The following POC1B variants were observed in gnomAD, a reference collection of about 807,000 sequenced individuals.
The protein encoded by POC1B is POC1 centriolar protein homolog B.
In POC1B, 44 loss-of-function variants were observed where a neutral mutation model predicts 60.6. The ratio of observed to expected loss-of-function variants is 0.73; its 90% CI spans 0.57 to 0.93. The LOEUF (loss-of-function observed/expected upper bound fraction) is 0.93, where lower values mean the gene tolerates loss of function less well. Among genes scored for constraint, POC1B ranks in the 40% least tolerant of loss-of-function variants. The pLI is 0.00. For synonymous variants in POC1B, 180 were observed against 198.9 expected (o/e 0.90, Z 0.80); for missense variants, 555 against 572.3 (o/e 0.97, Z 0.31).
intron 3 of POC1B, among the ~76,000 whole-genome samples, chr12:89,494,325 A>G (rs1869132931): frequency 1.3e-5 from 2 of 152,110 alleles, no homozygotes; most frequent in Non-Finnish European, 2.9e-5. Context: ...TGCTGGAATT[A>G]CAGGTGCGAG....
intron 3 of POC1B, among the ~76,000 whole-genome samples, chr12:89,495,382 A>G (rs1268645232): frequency 1.3e-5 from 2 of 152,222 alleles, no homozygotes; most frequent in African/African-American, 2.4e-5. Context: ...CTACATTGCC[A>G]TCCATTATAA....
intron 2 of POC1B, chr12:89,524,486 A>G: frequency 1.2e-6 from 2 of 1,613,326 alleles, no homozygotes; most frequent in Non-Finnish European, 1.7e-6. Context: ...ACGAAGATAT[A>G]GGCCACTGTT....
intron 7 of POC1B, among the ~76,000 whole-genome samples, chr12:89,468,424 T>A (rs532476174): frequency 5.8e-4 from 88 of 152,310 alleles, no homozygotes; most frequent in African/African-American, 2.1e-3. Flanking sequence ...AATATTAATA[T>A]ATACCATATG....
the POC1B span, among the ~76,000 whole-genome samples, chr12:89,405,864 A>G: frequency 1.3e-5 from 2 of 151,894 alleles, no homozygotes; most frequent in African/African-American, 4.8e-5. Context: ...CTGAGATGGG[A>G]GGAATCCTTG....
chr12:89,525,973 G>A lies in POC1B; in HGVS notation c.-78C>T. 6.5e-7 allele frequency: 1 copy of A among 1,545,346 alleles called. No individual in the cohort carries two copies. On this transcript the variant is annotated 5_prime_UTR_variant, in exon 1 of 12. Transcript: ENST00000313546. ...AGGGGAGAGGATGGGGAAGGAGAGG[G>A]GACCGTGCGGCTCCCGGAACCGTCT...
At chr12:89,441,967 C>A (rs1287703200) in intron 10 of POC1B, among the ~76,000 whole-genome samples, 1 of 152,156 alleles carries the variant, frequency 6.6e-6, no homozygotes, top group African/African-American at 2.4e-5. Context: ...GACGCACGCA[C>A]AAGCTTCAGT....
chr12:89,433,149 A>G (rs1383937759), intron 10 of POC1B, among the ~76,000 whole-genome samples: 1 of 152,114 alleles, frequency 6.6e-6, no homozygotes, highest in African/African-American at 2.4e-5. Context: ...AAATAAAGAC[A>G]GTGAATCTAA....
At chr12:89,419,578 T>G (rs1193976663), downstream of POC1B, 1 of 151,970 alleles carries the variant, frequency 6.6e-6, no homozygotes, top group African/African-American at 2.4e-5. Flanking sequence ...ACCCATGGAG[T>G]CAGCTCTGGA....
intron 10 of POC1B, among the ~76,000 whole-genome samples, chr12:89,453,045 TATTA>T (rs991354342): frequency 5.3e-5 from 8 of 152,182 alleles, no homozygotes; most frequent in African/African-American, 1.7e-4. Context: ...TCTGAAAAAA[TATTA>T]ATGTGTTTTC....
At chr12:89,430,437 A>G (rs563549728) in intron 10 of POC1B, among the ~76,000 whole-genome samples, 1 of 152,356 alleles carries the variant, frequency 6.6e-6, no homozygotes, top group East Asian at 1.9e-4. Context: ...TAGAAAATTA[A>G]CCATTCAACA....
chr12:89,415,587 G>C (rs1026116348), downstream of POC1B, among the ~76,000 whole-genome samples: 9 of 151,468 alleles, frequency 5.9e-5, no homozygotes, highest in Non-Finnish European at 8.8e-5. Flanking sequence ...AGCTTGCACT[G>C]AGCCGAGATC....
chr12:89,419,630 T>C (rs991280904), downstream of POC1B: 2 of 152,168 alleles, frequency 1.3e-5, no homozygotes, highest in African/African-American at 4.8e-5. Flanking sequence ...CTCCAGAAGA[T>C]TCGCACACAC....
chr12:89,500,101 G>T, intron 2 of POC1B: 1 of 1,438,228 alleles, frequency 7.0e-7, no homozygotes, highest in Non-Finnish European at 9.6e-7. Flanking sequence ...ACATGGCTGT[G>T]TCGGGTCTGG....
intron 10 of POC1B, among the ~76,000 whole-genome samples, chr12:89,430,225 C>T (rs2120673245): frequency 6.6e-6 from 1 of 152,286 alleles, no homozygotes; most frequent in African/African-American, 2.4e-5. Flanking sequence ...ACAGATCTGA[C>T]TGATGCAAAG....
intron 2 of POC1B, chr12:89,521,883 C>T (rs1023668422): frequency 5.0e-6 from 2 of 397,804 alleles, no homozygotes; most frequent in East Asian, 3.6e-5. Context: ...TAGAACCTAG[C>T]CCACTTTCAG....
At chr12:89,503,306 G>A (rs1186188856) in intron 2 of POC1B, among the ~76,000 whole-genome samples, 1 of 152,200 alleles carries the variant, frequency 6.6e-6, no homozygotes, top group Non-Finnish European at 1.5e-5. Context: ...TGGTGGAGAC[G>A]GGGTTTCGCT....
At position 89,507,030 on chromosome 12, in the gene POC1B, C is replaced by T. The variant is rs540310775; in HGVS notation, c.101-9688G>A. ...TTAATACATATTATATAACATATTA[C>T]GACCCCCAAGGCAGCAGATCACTTC... On this transcript the variant is annotated intron_variant, in intron 2 of 11. Transcript: ENST00000313546. 7.9e-5 allele frequency among the ~76,000 whole-genome samples: 12 copies of T among 151,826 alleles called. 1 individual carries two copies. The South Asian group carries it at 1.9e-3, about 24-fold the overall frequency.
intron 10 of POC1B, among the ~76,000 whole-genome samples, chr12:89,435,884 C>T (rs1881238993): frequency 6.6e-6 from 1 of 151,480 alleles, no homozygotes; most frequent in Admixed American, 6.6e-5. Context: ...CTCAAACACG[C>T]ATATGCATGT....
At chr12:89,476,751 TAGATAGATAGACAGAC>T (rs796402917) in intron 4 of POC1B, among the ~76,000 whole-genome samples, 2,523 of 104,858 alleles carry the variant, frequency 0.024, 30 homozygotes, top group Admixed American at 0.03. Context: ...GATAGATAGA[TAGATAGATAGACAGAC>T]AGACAGACAG....
Sources: allele counts gnomAD v4.1 joint callset (sites outside exome capture counted in the v4.1 genomes callset), GRCh38; gene constraint gnomAD v4.1.1; transcripts MANE v1.5; gene names NCBI Gene and HGNC (gene_info 2026-07-23, HGNC 2026-07-21).